The following CLCN5 variants were observed in gnomAD, a reference collection of about 807,000 sequenced individuals.
The protein encoded by CLCN5 is H(+)/Cl(-) exchange transporter 5.
In CLCN5, 17 loss-of-function variants were observed where a neutral mutation model predicts 54.0. The observed-to-expected ratio is 0.31, with a 90% CI of 0.22 to 0.47. CLCN5 has a LOEUF of 0.47. Among genes scored for constraint, CLCN5 ranks in the 20% least tolerant of loss-of-function variants. The pLI is 1.00. For missense variants in CLCN5, 448 were observed against 646.7 expected (o/e 0.69, Z 3.33); for synonymous variants, 222 against 233.0 (o/e 0.95, Z 0.43).
At chrX:49,931,334 G>T (rs1925638555) in intron 3 of CLCN5, among the ~76,000 whole-genome samples, 1 of 111,564 alleles carries the variant, frequency 9.0e-6, no homozygotes, top group African/African-American at 3.3e-5. Flanking sequence ...ATAAAAAAAA[G>T]TCTGAGAGGA....
intron 1 of CLCN5, among the ~76,000 whole-genome samples, 182 bp downstream of exon 1, chrX:49,922,974 G>A (rs782272162): frequency 8.8e-6 from 1 of 113,150 alleles, no homozygotes; most frequent in South Asian, 3.6e-4. Context: ...AGAGGAGGTA[G>A]ACAGGCTAGT....
rs146621991 is a variant in CLCN5 at position 50,026,538 on chromosome X, G to A, written c.17-15778G>A. On this transcript the variant is annotated intron_variant, in intron 3 of 14. Transcript: ENST00000376091. ...ATCTCTATCAGTTTTTGCCTCATAT[G>A]TTGACGCTGTTGTTAGGTGCTTATT... Among the ~76,000 whole-genome samples, 359 of 111,606 alleles carry A rather than the reference G, an allele frequency of 3.2e-3. 1 individual carries two copies. The highest frequency in any genetic ancestry group is 5.3e-3 in the Non-Finnish European group (283 of 53,097).
intron 3 of CLCN5, among the ~76,000 whole-genome samples, chrX:49,952,114 G>A (rs1927068244): frequency 8.9e-6 from 1 of 111,829 alleles, no homozygotes; most frequent in African/African-American, 3.2e-5. Flanking sequence ...GATTTAACTT[G>A]AATTTCTCTT....
At chrX:50,001,816 C>A (rs1557180379) in intron 3 of CLCN5, among the ~76,000 whole-genome samples, 1 of 110,499 alleles carries the variant, frequency 9.0e-6, no homozygotes, top group Admixed American at 9.6e-5. Context: ...TCTTGAAAAC[C>A]CTCCATGTAA....
chrX:49,967,453 T>C (rs1557175679), intron 3 of CLCN5, among the ~76,000 whole-genome samples: 1 of 89,232 alleles, frequency 1.1e-5, no homozygotes, highest in East Asian at 3.1e-4. Context: ...CGCCCACTTT[T>C]TGATGGGGTT....
intron 3 of CLCN5, among the ~76,000 whole-genome samples, chrX:49,965,514 AG>A (rs1720895476): frequency 8.9e-6 from 1 of 112,121 alleles, no homozygotes; most frequent in Admixed American, 9.5e-5. Context: ...TATCAATTTT[AG>A]TAATGGTTTT....
intron 3 of CLCN5, among the ~76,000 whole-genome samples, chrX:49,937,970 A>C (rs1765113846): frequency 9.0e-6 from 1 of 111,317 alleles, no homozygotes; most frequent in African/African-American, 3.3e-5. Context: ...AGTCTCCCCC[A>C]AAAAGAGGGT....
intron 4 of CLCN5, among the ~76,000 whole-genome samples, chrX:50,064,592 A>G (rs1557190499): frequency 2.0e-5 from 2 of 99,405 alleles, no homozygotes; most frequent in Non-Finnish European, 4.0e-5. Flanking sequence ...TGCCCCAGGT[A>G]ATTTACAGAT....
chrX:50,002,482 G>A (rs1404735013), intron 3 of CLCN5, among the ~76,000 whole-genome samples: 1 of 111,895 alleles, frequency 8.9e-6, no homozygotes, highest in Non-Finnish European at 1.9e-5. Context: ...AATACAAACT[G>A]CTGTCAAATC....
Position 50,018,050 on chromosome X carries a change from T to C in CLCN5, c.17-24266T>C, listed in dbSNP as rs187417661. Among the ~76,000 whole-genome samples, 175 of 111,922 alleles carry C rather than the reference T, an allele frequency of 1.6e-3. 1 individual carries two copies. Among genetic ancestry groups the C allele is most frequent in the African/African-American group, 5.6e-3 (172 of 30,911 alleles). ...TTTGATTGGAACTGCACTGAACCTG[T>C]AGATCAAGTTGGGAAAAACTTACTT... is the stretch of plus-strand genomic sequence containing the variant. On this transcript the variant is annotated intron_variant, in intron 3 of 14. Transcript: ENST00000376091.
chrX:49,955,008 A>AT (rs1311807737), intron 3 of CLCN5, among the ~76,000 whole-genome samples: 21 of 109,528 alleles, frequency 1.9e-4, no homozygotes, highest in Non-Finnish European at 2.9e-4. Flanking sequence ...AGTAGTGCTG[A>AT]TTTTTTTTTA....
chrX:50,022,648 A>G (rs1931157955), intron 3 of CLCN5, among the ~76,000 whole-genome samples: 1 of 81,610 alleles, frequency 1.2e-5, no homozygotes, highest in Non-Finnish European at 2.2e-5. Flanking sequence ...ACTGCTTTGA[A>G]TGCGTCCCAG....
At chrX:49,984,349 A>G (rs1557178034) in intron 3 of CLCN5, among the ~76,000 whole-genome samples, 2 of 111,914 alleles carry the variant, frequency 1.8e-5, no homozygotes, top group Non-Finnish European at 3.8e-5. Flanking sequence ...AATGTCCAGA[A>G]ATAGGAACAA....
chrX:49,937,744 A>C (rs782513285), intron 3 of CLCN5, among the ~76,000 whole-genome samples: 1 of 112,126 alleles, frequency 8.9e-6, no homozygotes, highest in African/African-American at 3.2e-5. Flanking sequence ...TAAATGTTTC[A>C]ATGTGTAGAA....
At chrX:50,011,558 C>A (rs1232085918) in intron 3 of CLCN5, among the ~76,000 whole-genome samples, 4 of 112,198 alleles carry the variant, frequency 3.6e-5, no homozygotes, top group Admixed American at 2.8e-4. Context: ...ATGCAGAGAA[C>A]CCCACCTACT....
chrX:49,932,019 A>C (rs1925681420), intron 3 of CLCN5, among the ~76,000 whole-genome samples: 1 of 111,390 alleles, frequency 9.0e-6, no homozygotes, highest in African/African-American at 3.3e-5. Flanking sequence ...AGGCTCAAGC[A>C]GTCCTCCCAC....
chrX:50,035,978 G>A (rs1931978839), intron 3 of CLCN5, among the ~76,000 whole-genome samples: 2 of 111,772 alleles, frequency 1.8e-5, no homozygotes, highest in Non-Finnish European at 3.8e-5. Flanking sequence ...CATTACATTT[G>A]TTCCTGGCCT....
intron 3 of CLCN5, among the ~76,000 whole-genome samples, chrX:49,975,149 T>C (rs782747653): frequency 8.9e-6 from 1 of 111,809 alleles, no homozygotes; most frequent in Non-Finnish European, 1.9e-5. Flanking sequence ...GCAATTTTTT[T>C]AAATTTTTGC....
At chrX:49,978,810 C>T (rs1210005382) in intron 3 of CLCN5, among the ~76,000 whole-genome samples, 1 of 111,576 alleles carries the variant, frequency 9.0e-6, no homozygotes, top group Non-Finnish European at 1.9e-5. Context: ...TAGGTTTGGC[C>T]TGTAGACTCT....
Sources: gnomAD v4.1 joint callset for allele counts (sites outside exome capture counted in the v4.1 genomes callset) on GRCh38, gnomAD v4.1.1 for gene constraint, MANE v1.5 for transcripts, NCBI Gene and HGNC (gene_info 2026-07-23, HGNC 2026-07-21) for gene names.